PCDH15: variants seen among roughly 807,000 people sequenced by gnomAD.
The protein encoded by PCDH15 is protocadherin-15.
PCDH15 carries 129 observed loss-of-function variants against 178.5 expected under a neutral mutation model. That is an observed-to-expected ratio of 0.72 (90% CI 0.63 to 0.84). The LOEUF (loss-of-function observed/expected upper bound fraction) is 0.84, where lower values mean the gene tolerates loss of function less well. Ranked by LOEUF, PCDH15 falls within the 40% of genes least tolerant of loss-of-function variation. The pLI, the probability that PCDH15 is intolerant of heterozygous loss-of-function variation, is 0.00. For synonymous variants in PCDH15, 800 were observed against 732.0 expected (o/e 1.09, Z -1.50); for missense variants, 2,230 against 2,099.9 (o/e 1.06, Z -1.21).
intron 2 of PCDH15, among the ~76,000 whole-genome samples, chr10:55,022,711 CTTTT>C (rs201891944): frequency 1.8e-5 from 2 of 113,840 alleles, no homozygotes. Context: ...TTTTCTTTTT[CTTTT>C]TTTTTTTTTT....
chr10:53,814,262 G>C (rs2075980499), intron 35 of PCDH15, among the ~76,000 whole-genome samples: 1 of 152,018 alleles, frequency 6.6e-6, no homozygotes, highest in South Asian at 2.1e-4. Context: ...TTTTGAAGTA[G>C]ACTTTTAACA....
chr10:54,808,057 C>A (rs1354125945), intron 3 of PCDH15, among the ~76,000 whole-genome samples: 3 of 151,982 alleles, frequency 2.0e-5, no homozygotes, highest in Non-Finnish European at 2.9e-5. Context: ...TTATACCAGA[C>A]ACAACATTAG....
At chr10:54,587,968 T>C (rs1007031198) in intron 2 of PCDH15, among the ~76,000 whole-genome samples, 1 of 152,184 alleles carries the variant, frequency 6.6e-6, no homozygotes, top group African/African-American at 2.4e-5. Context: ...TCCTACACAT[T>C]TGTAAGTGAC....
At chr10:55,404,443 T>C (rs771889921) in intron 2 of PCDH15, among the ~76,000 whole-genome samples, 36 of 152,012 alleles carry the variant, frequency 2.4e-4, no homozygotes, top group Non-Finnish European at 4.9e-4. Context: ...ATTTTACTTA[T>C]TATAATCTGA....
intron 2 of PCDH15, among the ~76,000 whole-genome samples, chr10:55,557,780 A>T (rs1401458431): frequency 6.6e-6 from 1 of 152,130 alleles, no homozygotes; most frequent in Non-Finnish European, 1.5e-5. Flanking sequence ...GACACTCACT[A>T]CTTCATTCAT....
intron 1 of PCDH15, among the ~76,000 whole-genome samples, chr10:55,181,049 G>A (rs1031641540): frequency 2.0e-5 from 3 of 152,066 alleles, no homozygotes; most frequent in African/African-American, 7.2e-5. Flanking sequence ...TTTAGATAGT[G>A]TGGAAAAGAA....
intron 2 of PCDH15, among the ~76,000 whole-genome samples, chr10:55,446,649 T>A (rs1161149928): frequency 1.3e-5 from 2 of 152,124 alleles, no homozygotes; most frequent in African/African-American, 4.8e-5. Flanking sequence ...TGGAATATGT[T>A]TCTTTTCTAA....
intron 2 of PCDH15, among the ~76,000 whole-genome samples, chr10:55,482,702 G>C (rs1043688130): frequency 7.9e-5 from 12 of 151,762 alleles, no homozygotes; most frequent in African/African-American, 2.9e-4. Flanking sequence ...AGTCTGATGG[G>C]CTTCCCTTTG....
chr10:54,844,193 C>T (rs533893585), intron 3 of PCDH15, among the ~76,000 whole-genome samples: 1 of 151,966 alleles, frequency 6.6e-6, no homozygotes, highest in South Asian at 2.1e-4. Flanking sequence ...GATTCAGATG[C>T]CTTGGAAAGC....
intron 13 of PCDH15, among the ~76,000 whole-genome samples, chr10:54,169,761 G>A (rs1412719069): frequency 2.6e-5 from 4 of 151,856 alleles, no homozygotes; most frequent in South Asian, 2.1e-4. Context: ...CCCGCAGCAC[G>A]CTTTAAAAAG....
intron 3 of PCDH15, among the ~76,000 whole-genome samples, chr10:54,850,178 T>G (rs1053241837): frequency 1.3e-5 from 2 of 152,156 alleles, no homozygotes; most frequent in Non-Finnish European, 2.9e-5. Context: ...TATCTACCAA[T>G]TTTTTGCTAA....
At chr10:54,719,848 G>T (rs765829150) in intron 1 of PCDH15, among the ~76,000 whole-genome samples, 2 of 150,128 alleles carry the variant, frequency 1.3e-5, no homozygotes, top group African/African-American at 4.9e-5. Flanking sequence ...TCCTCCAAAT[G>T]ACATGATCTC....
chr10:54,710,712 A>T (rs11004458), intron 1 of PCDH15, among the ~76,000 whole-genome samples: 1 of 151,932 alleles, frequency 6.6e-6, no homozygotes, highest in African/African-American at 2.4e-5. Context: ...ATGAGGAATT[A>T]ATTTATTTTA....
At chr10:55,527,856 T>C (rs1025510571) in intron 2 of PCDH15, among the ~76,000 whole-genome samples, 2 of 152,106 alleles carry the variant, frequency 1.3e-5, no homozygotes, top group African/African-American at 4.8e-5. Flanking sequence ...ATAGGTATTG[T>C]TTTTTCTTCT....
At chr10:54,037,751 T>C (rs1181321609) in intron 18 of PCDH15, among the ~76,000 whole-genome samples, 1 of 151,956 alleles carries the variant, frequency 6.6e-6, no homozygotes, top group Admixed American at 6.6e-5. Context: ...AAACAGAAAC[T>C]CTACAACCTA....
chr10:54,827,355 G>A (rs1312733860), intron 3 of PCDH15, among the ~76,000 whole-genome samples: 1 of 152,054 alleles, frequency 6.6e-6, no homozygotes, highest in Admixed American at 6.6e-5. Context: ...CAAACAAACA[G>A]CAGATGATAA....
chr10:55,378,758 A>C (rs1837458309), intron 2 of PCDH15, among the ~76,000 whole-genome samples: 1 of 152,028 alleles, frequency 6.6e-6, no homozygotes, highest in Non-Finnish European at 1.5e-5. Flanking sequence ...ATAACACCTT[A>C]CTAACTAGCA....
intron 1 of PCDH15, among the ~76,000 whole-genome samples, chr10:54,685,764 C>T (rs1426570288): frequency 1.3e-5 from 2 of 152,112 alleles, no homozygotes; most frequent in Non-Finnish European, 2.9e-5. Context: ...CTTGCATTAG[C>T]TTACAGTTGG....
At chr10:55,120,957 G>T (rs1456300153) in intron 2 of PCDH15, among the ~76,000 whole-genome samples, 3 of 152,174 alleles carry the variant, frequency 2.0e-5, no homozygotes, top group Non-Finnish European at 4.4e-5. Context: ...CCATCACAGT[G>T]GTGGGGCTGC....
Sources: allele counts gnomAD v4.1 joint callset (sites outside exome capture counted in the v4.1 genomes callset), GRCh38; gene constraint gnomAD v4.1.1; transcripts MANE v1.5; gene names NCBI Gene and HGNC (gene_info 2026-07-23, HGNC 2026-07-21).